Variants in ERCC6L observed in about 807,000 individuals in gnomAD.
ERCC6L encodes DNA excision repair protein ERCC-6-like.
A neutral mutation model predicts 20.1 loss-of-function variants in ERCC6L; 7 were observed. The ratio of observed to expected loss-of-function variants is 0.35; its 90% CI spans 0.20 to 0.65. The LOEUF is 0.65. Among genes scored for constraint, ERCC6L ranks in the 30% least tolerant of loss-of-function variants. The pLI, the probability that ERCC6L is intolerant of heterozygous loss-of-function variation, is 0.69. For missense variants in ERCC6L, 592 were observed against 892.4 expected (o/e 0.66, Z 4.29); for synonymous variants, 278 against 331.3 (o/e 0.84, Z 1.75).
chrX:72,209,042 G>A, intron 1 of ERCC6L, among the ~76,000 whole-genome samples: 1 of 111,049 alleles, frequency 9.0e-6, no homozygotes, highest in Non-Finnish European at 1.9e-5. Context: ...ATGGAAACAT[G>A]GGAACCTCTC....
intron 1 of ERCC6L, among the ~76,000 whole-genome samples, chrX:72,212,818 G>A (rs774739190): frequency 9.0e-6 from 1 of 111,109 alleles, no homozygotes; most frequent in South Asian, 3.8e-4. Context: ...GGTGGCATGC[G>A]CCTAGACCCA....
intron 1 of ERCC6L, among the ~76,000 whole-genome samples, chrX:72,217,010 C>T (rs1341119976): frequency 2.7e-5 from 3 of 112,209 alleles, no homozygotes; most frequent in African/African-American, 9.7e-5. Context: ...CTCTAGATGC[C>T]AAAGCACATC....
chrX:72,213,657 G>A (rs186212276), intron 1 of ERCC6L, among the ~76,000 whole-genome samples: 4,018 of 112,082 alleles, frequency 0.036, 130 homozygotes, highest in African/African-American at 0.11. Context: ...GCTCCCAATC[G>A]GGCTAAAGGC....
At chrX:72,225,558 A>C (rs1217135346) in intron 1 of ERCC6L, among the ~76,000 whole-genome samples, 1 of 112,526 alleles carries the variant, frequency 8.9e-6, no homozygotes, top group Non-Finnish European at 1.9e-5. Flanking sequence ...AAAGCAAAGC[A>C]TTCAACAAAT....
chrX:72,205,097 C>G lies in ERCC6L; in HGVS notation c.3670G>C (p.Val1224Leu), dbSNP rs763990925. Reference sequence around the variant, plus strand: ...GCACTTTTTATGTCAAGCGCTTTAACTAAGCAGTTTAGGGCCTCCTGGATT... The same window carrying G: ...GCACTTTTTATGTCAAGCGCTTTAAGTAAGCAGTTTAGGGCCTCCTGGATT... ...GKIQEALNCL[V>L]KALDIKSADP... The change falls in exon 2 of 2, where the codon GTT becomes CTT. Residue 1224 changes from valine to leucine, a missense_variant. By Grantham distance (32) the Val-to-Leu change is conservative. This residue lies in a region of ERCC6L where 352 missense variants were observed against 402.6 expected (regional missense o/e 0.87). Transcript: ENST00000334463. 2 of 1,210,102 alleles carry G rather than the reference C, an allele frequency of 1.7e-6. No homozygotes were observed. The highest frequency in any genetic ancestry group is 3.5e-5 in the African/African-American group (2 of 57,292).
intron 1 of ERCC6L, among the ~76,000 whole-genome samples, chrX:72,230,215 A>G (rs1481228961): frequency 1.8e-5 from 2 of 110,749 alleles, no homozygotes; most frequent in Non-Finnish European, 3.8e-5. Flanking sequence ...AGGATTGATC[A>G]GGCTATTTGA....
chrX:72,210,778 CACA>C (rs1569490325), intron 1 of ERCC6L, among the ~76,000 whole-genome samples: 2 of 111,723 alleles, frequency 1.8e-5, no homozygotes, highest in Admixed American at 9.5e-5. Context: ...CTGCCTGAAC[CACA>C]ACGAGAGTTT....
In ERCC6L at chrX:72,208,258, C is replaced by G. The variant is rs1212702932; in HGVS notation, c.509G>C (p.Gly170Ala). 8 of 1,209,873 alleles carry G rather than the reference C, an allele frequency of 6.6e-6. No individual in the cohort carries two copies. Among genetic ancestry groups the G allele is most frequent in the Non-Finnish European group, 7.8e-6 (7 of 895,154 alleles). Reference protein sequence around the residue: ...WVKEFIKWTPGMRVKTFHGPS... With the variant: ...WVKEFIKWTPAMRVKTFHGPS... ...ACCATGAAAGGTTTTGACTCTCATT[C>G]CTGGAGTCCACTTGATGAATTCTTT... Residue 170 changes from glycine (G) to alanine (A), a missense_variant, in exon 2 of 2, where the codon GGA (glycine) becomes GCA (alanine). Physicochemically the swap from Gly to Ala is moderately conservative, Grantham distance 60. Coordinates refer to ENST00000334463, the MANE Select transcript of ERCC6L (RefSeq NM_017669.4).
Position 72,238,964 on chromosome X carries a change from T to C in ERCC6L, c.-53A>G. 1 of 1,005,041 alleles carries C rather than the reference T, an allele frequency of 9.9e-7. No homozygotes were observed. The highest frequency in any genetic ancestry group is 1.4e-6 in the Non-Finnish European group (1 of 726,916). The allele number at this position is 1,005,041 out of a possible 1,213,427, so 82.8% of individuals were successfully genotyped here. ...CGGCGGGAGTTTGGAGCTTGGAGCT[T>C]GGAGCTTGGAGCTTGGAGCTTAGAG... On this transcript the variant is annotated 5_prime_UTR_variant, in exon 1 of 2. Coordinates refer to ENST00000334463, the MANE Select transcript of ERCC6L (RefSeq NM_017669.4).
chrX:72,235,541 G>A (rs1216663443), intron 1 of ERCC6L, among the ~76,000 whole-genome samples: 16 of 110,438 alleles, frequency 1.4e-4, no homozygotes, highest in African/African-American at 5.0e-4. Context: ...GATTACAGGC[G>A]TGTACCACCA....
Position 72,207,858 on chromosome X carries a change from G to T in ERCC6L, c.909C>A (p.Thr303=), listed in dbSNP as rs1035123324. 5.0e-6 allele frequency: 6 copies of T among 1,208,153 alleles called. No homozygotes were observed. The highest frequency in any genetic ancestry group is 6.7e-6 in the Non-Finnish European group (6 of 894,376). ...TAAATCCCAAGGCTTTTTCTCCTGG[G>T]GTAGCATCCTTCTCTCTTGCTCTAG... ...PITRAREKDA[T]PGEKALGFKI... is the part of the protein sequence containing the mutation. The change falls in exon 2 of 2, where the codon ACC becomes ACA. Residue 303 remains threonine (T), a synonymous_variant. Coordinates refer to ENST00000334463, the MANE Select transcript of ERCC6L (RefSeq NM_017669.4).
At chrX:72,215,391 GA>G (rs1174831623) in intron 1 of ERCC6L, among the ~76,000 whole-genome samples, 3 of 111,700 alleles carry the variant, frequency 2.7e-5, no homozygotes, top group African/African-American at 9.7e-5. Flanking sequence ...TACTTTAAAA[GA>G]AAAAAACTAA....
In ERCC6L at chrX:72,238,885, T is replaced by A. The variant is rs751353457; in HGVS notation, c.27A>T (p.Glu9Asp). The A allele has an allele frequency of 3.3e-6, 4 of 1,197,105 alleles. No individual in the cohort carries two copies. The East Asian group carries it at 1.2e-4, about 36-fold the overall frequency. Residue 9 changes from glutamate (E) to aspartate (D), a missense_variant, in exon 1 of 2, where the codon GAA becomes GAT. Coordinates refer to ENST00000334463, the MANE Select transcript of ERCC6L (RefSeq NM_017669.4). Reference sequence around the variant, plus strand: ...CCTGCTCTGGGCTCAAGGCCTCGGCTTCCGGAAACCTTCGGGATGCCTCCA... The same window carrying A: ...CCTGCTCTGGGCTCAAGGCCTCGGCATCCGGAAACCTTCGGGATGCCTCCA... MEASRRFP[E>D]AEALSPEQAA...
intron 1 of ERCC6L, among the ~76,000 whole-genome samples, chrX:72,215,815 C>T (rs890303522): frequency 1.8e-5 from 2 of 110,724 alleles, no homozygotes; most frequent in Non-Finnish European, 3.8e-5. Context: ...ATAACTACAT[C>T]CCTCCTGAAG....
At chrX:72,213,409 G>A (rs1482266539) in intron 1 of ERCC6L, among the ~76,000 whole-genome samples, 1 of 111,640 alleles carries the variant, frequency 9.0e-6, no homozygotes, top group African/African-American at 3.3e-5. Flanking sequence ...CCAGGCATTC[G>A]AGCCGGGAGG....
In ERCC6L at chrX:72,230,711, C is replaced by T. The variant is rs549127322; in HGVS notation, c.68+8133G>A. Among the ~76,000 whole-genome samples, 3 of 112,111 alleles carry T rather than the reference C, an allele frequency of 2.7e-5. No individual in the cohort carries two copies. The East Asian group carries it at 8.4e-4, about 31-fold the overall frequency. On this transcript the variant is annotated intron_variant, in intron 1 of 1. Transcript: ENST00000334463. ...GGCATGGTGCTTCACGCCTGTAATC[C>T]CAGCACTTTGGGAGGCCTAGGGTGG...
chrX:72,218,711 T>C (rs1236615743), intron 1 of ERCC6L, among the ~76,000 whole-genome samples: 1 of 110,986 alleles, frequency 9.0e-6, no homozygotes, highest in Non-Finnish European at 1.9e-5. Flanking sequence ...GCCGGGCTGG[T>C]AGCTCATCAA....
chrX:72,207,104 C>A lies in ERCC6L; in HGVS notation c.1663G>T (p.Asp555Tyr). The change falls in exon 2 of 2, where the codon GAC becomes TAC. Residue 555 changes from aspartate (D) to tyrosine (Y), a missense_variant. By Grantham distance (160) the Asp-to-Tyr change is radical. Around this residue, in one of 3 missense-constraint regions of ERCC6L, gnomAD observed 196 missense variants for 440.1 expected, o/e 0.45. Coordinates refer to ENST00000334463, the MANE Select transcript of ERCC6L (RefSeq NM_017669.4). ...LTAATRVVIF[D>Y]PSWNPATDAQ... Reference sequence around the variant, plus strand: ...TCAGTTGCAGGATTCCAGCTAGGGTCAAAAATGACCACTCTAGTTGCTGCA... The same window carrying A: ...TCAGTTGCAGGATTCCAGCTAGGGTAAAAAATGACCACTCTAGTTGCTGCA... 2.5e-6 allele frequency: 3 copies of A among 1,211,401 alleles called. No homozygotes were observed. Among genetic ancestry groups the A allele is most frequent in the Non-Finnish European group, 3.4e-6 (3 of 895,460 alleles).
chrX:72,231,240 C>T (rs151081984), intron 1 of ERCC6L, among the ~76,000 whole-genome samples: 28 of 111,885 alleles, frequency 2.5e-4, no homozygotes, highest in African/African-American at 9.1e-4. Context: ...AATTATTCAG[C>T]CGTTAAAAGG....
Sources: allele counts gnomAD v4.1 joint callset (sites outside exome capture counted in the v4.1 genomes callset), GRCh38; gene constraint gnomAD v4.1.1; regional missense constraint gnomAD v4.1.1; transcripts MANE v1.5; gene names NCBI Gene and HGNC (gene_info 2026-07-23, HGNC 2026-07-21).